The following ACSM1 variants were observed in gnomAD, a reference collection of about 807,000 sequenced individuals.
ACSM1 encodes the protein acyl-CoA synthetase medium chain family member 1, also known as acyl-coenzyme A synthetase ACSM1, mitochondrial.
In ACSM1, 79 loss-of-function variants were observed where a neutral mutation model predicts 75.8. The observed-to-expected ratio is 1.04, with a 90% confidence interval of 0.87 to 1.26. The LOEUF is 1.26. ACSM1 is among the 50% of genes most tolerant of loss of function. The pLI is 0.00. For missense variants in ACSM1, 676 were observed against 720.1 expected (o/e 0.94, Z 0.70); for synonymous variants, 279 against 265.8 (o/e 1.05, Z -0.48).
chr16:20,655,724 A>T (rs558764610), intron 7 of ACSM1, among the ~76,000 whole-genome samples: 3 of 152,094 alleles, frequency 2.0e-5, no homozygotes, highest in Non-Finnish European at 4.4e-5. Context: ...GTGCAGTGGC[A>T]TGATCTCAGC....
At chr16:20,624,016 G>T in intron 13 of ACSM1, 80 bp downstream of exon 13, 3 of 1,575,408 alleles carry the variant, frequency 1.9e-6, no homozygotes, top group East Asian at 2.3e-5. Context: ...GGGGCTGTTT[G>T]TTACCTCCAG....
chr16:20,623,420 A>AG lies in ACSM1; in HGVS notation c.*65dup, dbSNP rs1193028803. ...AATGCCCCACCCTCGTCCTCACCAT[A>AG]GTGGGGAGACTAAAGTGGCCAGGGA... On this transcript the variant is annotated 3_prime_UTR_variant, in exon 14 of 14. Coordinates refer to ENST00000520010, the MANE Select transcript of ACSM1 (RefSeq NM_001318890.3). 2 of 1,400,056 alleles carry AG rather than the reference A, an allele frequency of 1.4e-6. No individual in the cohort carries two copies. Among genetic ancestry groups the AG allele is most frequent in the Non-Finnish European group, 2.0e-6 (2 of 987,172 alleles). 86.7% of individuals were successfully genotyped at this position (1,400,056 alleles called of 1,614,324 possible). A position where few individuals can be genotyped will look rare whatever the true frequency, so the allele number is the denominator to read the frequency against.
At chr16:20,670,552 C>T (rs2019841006) in intron 5 of ACSM1, among the ~76,000 whole-genome samples, 1 of 152,194 alleles carries the variant, frequency 6.6e-6, no homozygotes, top group African/African-American at 2.4e-5. Flanking sequence ...AAAAAACTTT[C>T]AATATCTCCC....
intron 8 of ACSM1, among the ~76,000 whole-genome samples, chr16:20,638,768 C>T (rs188205833): frequency 6.6e-6 from 1 of 152,160 alleles, no homozygotes. Flanking sequence ...TTGCCCACTG[C>T]CACATCACTG....
intron 3 of ACSM1, among the ~76,000 whole-genome samples, chr16:20,684,930 T>C (rs1412053724): frequency 6.6e-6 from 1 of 151,928 alleles, no homozygotes; most frequent in Non-Finnish European, 1.5e-5. Flanking sequence ...AGGGAGAGAA[T>C]AAGAGAATTT....
chr16:20,637,502 C>T, intron 8 of ACSM1, 51 bp from the exon 9 acceptor site: 2 of 1,464,158 alleles, frequency 1.4e-6, no homozygotes, highest in Middle Eastern at 2.3e-4. Context: ...CCAGGCTGAT[C>T]ACAAAGCAGT....
intron 8 of ACSM1, among the ~76,000 whole-genome samples, chr16:20,639,420 C>A (rs1309281529): frequency 6.6e-6 from 1 of 152,144 alleles, no homozygotes; most frequent in African/African-American, 2.4e-5. Flanking sequence ...CTTCCTCCTG[C>A]CTCTGCAGCC....
At position 20,697,646 on chromosome 16, in the gene ACSM1, T is replaced by C. The variant is rs2079697182; in HGVS notation, c.-62A>G. On this transcript the variant is annotated 5_prime_UTR_variant, in exon 1 of 14. Transcript: ENST00000520010. ...TCACCTCTGTCTTACCTGGTACTGTTTAGGACGTAGCTGAACTAGGTCCCT... is the reference window on the plus strand; with the variant it reads ...TCACCTCTGTCTTACCTGGTACTGTCTAGGACGTAGCTGAACTAGGTCCCT... The C allele has an allele frequency of 6.6e-6, 1 of 151,824 alleles. No individual in the cohort carries two copies. Among genetic ancestry groups the C allele is most frequent in the African/African-American group, 2.4e-5 (1 of 41,110 alleles). The allele number at this position is 151,824 out of a possible 1,614,324, so 9.4% of individuals were successfully genotyped here.
At chr16:20,637,513 C>A in intron 8 of ACSM1, 62 bp from the exon 9 acceptor site, 2 of 1,327,196 alleles carry the variant, frequency 1.5e-6, no homozygotes, top group South Asian at 1.2e-5. Context: ...ACAAAGCAGT[C>A]AGAATCATAC....
intron 7 of ACSM1, among the ~76,000 whole-genome samples, chr16:20,643,860 T>C (rs1721329454): frequency 6.6e-6 from 1 of 152,210 alleles, no homozygotes; most frequent in Non-Finnish European, 1.5e-5. Context: ...GAGCGCTGAT[T>C]GGTGTGTTTT....
At chr16:20,645,655 C>T (rs1343913083) in intron 7 of ACSM1, among the ~76,000 whole-genome samples, 1 of 152,172 alleles carries the variant, frequency 6.6e-6, no homozygotes, top group East Asian at 1.9e-4. Flanking sequence ...GTATCTCAGT[C>T]AGGTCAATGA....
chr16:20,661,302 C>T (rs2019286034), intron 7 of ACSM1, among the ~76,000 whole-genome samples: 1 of 152,106 alleles, frequency 6.6e-6, no homozygotes, highest in South Asian at 2.1e-4. Flanking sequence ...TGTAGCATTA[C>T]CTGTTTAAAA....
Position 20,691,100 on chromosome 16 carries a change from C to T in ACSM1, c.89G>A (p.Arg30Gln), listed in dbSNP as rs147062129. ...TGGGGCTCCAAATTCTGATAAAGAC[C>T]GGCAGCGCAGCTGTGAAGGGGCAGG... ...IHPAPSQLRCRSLSEFGAPRW... is the reference protein window; with the variant it reads ...IHPAPSQLRCQSLSEFGAPRW... The change falls in exon 2 of 14, where the codon CGG becomes CAG. Residue 30 changes from arginine (R) to glutamine (Q), a missense_variant. Arg to Gln is a conservative substitution (Grantham distance 43, BLOSUM62 1). Coordinates refer to ENST00000520010, the MANE Select transcript of ACSM1 (RefSeq NM_001318890.3). 123 of 1,613,480 alleles carry T rather than the reference C, an allele frequency of 7.6e-5. 1 individual carries two copies. The highest frequency in any genetic ancestry group is 2.5e-4 in the South Asian group (23 of 90,932).
intron 8 of ACSM1, among the ~76,000 whole-genome samples, chr16:20,639,135 G>A (rs533720922): frequency 2.6e-4 from 40 of 152,264 alleles, no homozygotes; most frequent in African/African-American, 9.4e-4. Context: ...GGGAGAAAGT[G>A]GCTCTGTCCA....
chr16:20,632,136 G>A lies in ACSM1; in HGVS notation c.1299+4603C>T, dbSNP rs537615233. On this transcript the variant is annotated intron_variant, in intron 10 of 13. Transcript: ENST00000520010. ...CAAACATTCAGTCTTTAGCACATAC[G>A]TTAAAAAAGATCTCAAGCCGAAAAC... Among the ~76,000 whole-genome samples the A allele has an allele frequency of 9.9e-5, 15 of 152,136 alleles. No homozygotes were observed. The East Asian group carries it at 1.4e-3, about 14-fold the overall frequency.
At chr16:20,687,066 C>T (rs1231603892) in intron 2 of ACSM1, among the ~76,000 whole-genome samples, 1 of 151,716 alleles carries the variant, frequency 6.6e-6, no homozygotes, top group African/African-American at 2.4e-5. Flanking sequence ...CAACTCCCAC[C>T]TCTTCTCTCA....
At chr16:20,659,209 C>T (rs771682502) in intron 7 of ACSM1, among the ~76,000 whole-genome samples, 21 of 152,138 alleles carry the variant, frequency 1.4e-4, no homozygotes, top group Admixed American at 2.0e-4. Context: ...TTATCCAAAA[C>T]GCTAGTGTTT....
At chr16:20,653,248 A>G (rs200839380) in intron 7 of ACSM1, among the ~76,000 whole-genome samples, 1 of 152,216 alleles carries the variant, frequency 6.6e-6, no homozygotes, top group Admixed American at 6.5e-5. Flanking sequence ...TTGATGGGAC[A>G]TATCTCAAAA....
chr16:20,677,549 T>G (rs529502985), intron 4 of ACSM1, among the ~76,000 whole-genome samples: 1 of 152,326 alleles, frequency 6.6e-6, no homozygotes, highest in East Asian at 1.9e-4. Context: ...ACCCCCTTCA[T>G]TGCTGTGTAA....
Sources: allele counts gnomAD v4.1 joint callset (sites outside exome capture counted in the v4.1 genomes callset), GRCh38; gene constraint gnomAD v4.1.1; transcripts MANE v1.5; gene names NCBI Gene and HGNC (gene_info 2026-07-23, HGNC 2026-07-21).